C10orf143: variants seen among roughly 807,000 people sequenced by gnomAD.
C10orf143 encodes uncharacterized protein C10orf143.
intron 3 of C10orf143, among the ~76,000 whole-genome samples, chr10:130,073,618 T>C (rs1861068110): frequency 6.9e-6 from 1 of 144,590 alleles, no homozygotes; most frequent in Non-Finnish European, 1.6e-5. Flanking sequence ...ATCAGCTGTG[T>C]GTTTTTTTTT....
At chr10:130,068,411 A>T (rs1177754889) in intron 3 of C10orf143, 1 of 152,224 alleles carries the variant, frequency 6.6e-6, no homozygotes, top group Non-Finnish European at 1.5e-5. Context: ...CAGGAGTTTG[A>T]GACCAGCCTG....
chr10:130,095,620 G>A (rs1286735077), intron 1 of C10orf143, among the ~76,000 whole-genome samples: 1 of 152,088 alleles, frequency 6.6e-6, no homozygotes, highest in East Asian at 1.9e-4. Context: ...CAGAACAGGG[G>A]CCTCAGAAAT....
rs139473238 is a variant in C10orf143, at chr10:130,043,996, GGAGAGAGAGA to G, written c.298-8036_298-8027del. 4.6e-3 allele frequency among the ~76,000 whole-genome samples: 691 copies of G among 149,472 alleles called. 4 individuals carry two copies. Among genetic ancestry groups the G allele is most frequent in the African/African-American group, 0.014 (572 of 40,936 alleles). ...CAGGGGCCTTTGCAGACCATGGCAG[GGAGAGAGAGA>G]GAGAGAGAGAGAAAGAGAGAGAGGG... On this transcript the variant is annotated intron_variant and NMD_transcript_variant, in intron 3 of 5. Coordinates refer to the C10orf143 transcript ENST00000643056.
intron 1 of C10orf143, among the ~76,000 whole-genome samples, chr10:130,086,662 AT>A (rs1470661923): frequency 1.3e-5 from 2 of 152,208 alleles, no homozygotes; most frequent in African/African-American, 4.8e-5. Context: ...AATATTAAGT[AT>A]TCCCCACATA....
At chr10:130,074,785 G>T (rs1358530424) in intron 3 of C10orf143, among the ~76,000 whole-genome samples, 1 of 152,112 alleles carries the variant, frequency 6.6e-6, no homozygotes, top group South Asian at 2.1e-4. Context: ...AAGAAAAAAT[G>T]CATCCATTTA....
intron 3 of C10orf143, among the ~76,000 whole-genome samples, chr10:130,042,322 T>C (rs1002757050): frequency 5.3e-5 from 8 of 152,270 alleles, no homozygotes; most frequent in African/African-American, 1.9e-4. Context: ...AAAGGAAACA[T>C]ATTAGAAGAA....
At chr10:130,102,956 T>C (rs946464595) in intron 1 of C10orf143, among the ~76,000 whole-genome samples, 4 of 151,298 alleles carry the variant, frequency 2.6e-5, no homozygotes, top group Admixed American at 6.7e-5. Context: ...GAGTTTCTTA[T>C]AGATGGACTT....
intron 3 of C10orf143, among the ~76,000 whole-genome samples, chr10:130,069,579 A>G (rs1860997403): frequency 6.6e-6 from 1 of 151,782 alleles, no homozygotes. Flanking sequence ...CTTGCTGGAT[A>G]TTAGTTCTAC....
intron 1 of C10orf143, chr10:130,107,548 T>C (rs756058863): frequency 6.0e-6 from 8 of 1,342,878 alleles, no homozygotes; most frequent in Admixed American, 1.7e-5. Context: ...AAGATCCTTA[T>C]GTACTTGATG....
At chr10:130,035,807 C>T (rs577894374) in intron 4 of C10orf143, 1 of 152,372 alleles carries the variant, frequency 6.6e-6, no homozygotes, top group East Asian at 1.9e-4. Flanking sequence ...TCTGTTCAGG[C>T]TGCTATAACA....
rs1381974846 is a variant in C10orf143 at position 130,065,747 on chromosome 10, A to C, written c.298-1364T>G. On this transcript the variant is annotated intron_variant, in intron 3 of 3. Coordinates refer to ENST00000637128, the MANE Select transcript of C10orf143 (RefSeq NM_001355042.2). This position sits in a 1 kb window ranked among gnomAD's most constrained non-coding sequence, Gnocchi z 4.2. ...AATGGACATCAAGTCTCTAAAAGGC[A>C]GGGGAAAGTATGTAGCATTTCCTGA... 1 of 152,250 alleles carries C rather than the reference A, an allele frequency of 6.6e-6. No homozygotes were observed. Among genetic ancestry groups the C allele is most frequent in the East Asian group, 1.9e-4 (1 of 5,196 alleles). The allele number at this position is 152,250 out of a possible 1,614,324, so 9.4% of individuals were successfully genotyped here.
intron 3 of C10orf143, among the ~76,000 whole-genome samples, chr10:130,040,630 C>T (rs527511716): frequency 7.8e-4 from 118 of 152,214 alleles, no homozygotes; most frequent in Middle Eastern, 3.4e-3. Context: ...GTCAGGATTT[C>T]GAGACCAACC....
rs11017081 is a variant in C10orf143 at position 130,108,279 on chromosome 10, C to T, written c.69+2425G>A. The T allele has an allele frequency of 4.6e-3, 7,176 of 1,571,862 alleles. 353 individuals carry two copies. In the East Asian group the frequency reaches 0.12, roughly 25 times the overall value. On this transcript the variant is annotated intron_variant, in intron 1 of 3. Transcript: ENST00000637128. ...GATTTCCCAGGTCCACCACATGCTC[C>T]GTTTGCAATGAGAAATGTCTATCCA...
intron 3 of C10orf143, among the ~76,000 whole-genome samples, chr10:130,051,384 C>T (rs28431870): frequency 3.7e-5 from 2 of 54,332 alleles, no homozygotes; most frequent in South Asian, 9.6e-4. Context: ...CTCCCTCTCC[C>T]GCCCCCACCT....
chr10:130,086,838 A>G (rs1861298738), intron 1 of C10orf143, among the ~76,000 whole-genome samples: 2 of 152,250 alleles, frequency 1.3e-5, no homozygotes, highest in African/African-American at 4.8e-5. Context: ...GATGAAATTT[A>G]CAACACTTAT....
chr10:130,064,805 A>G (rs2244309), intron 3 of C10orf143: 99,507 of 152,296 alleles, frequency 0.65, 32,740 homozygotes, highest in Admixed American at 0.73. Flanking sequence ...GGCAATCCCC[A>G]CCAGGGCCCC....
chr10:130,090,973 G>A (rs1246786446), intron 1 of C10orf143, among the ~76,000 whole-genome samples: 3 of 152,198 alleles, frequency 2.0e-5, no homozygotes, highest in Admixed American at 2.0e-4. Context: ...CTAGGAGAAG[G>A]GGCAACTGTG....
intron 3 of C10orf143, among the ~76,000 whole-genome samples, chr10:130,071,721 G>A (rs1265417843): frequency 1.3e-5 from 2 of 152,042 alleles, no homozygotes; most frequent in African/African-American, 2.4e-5. Context: ...TCTGCCTCCT[G>A]GATTCAAGAG....
At chr10:130,080,093 A>T (rs1163451445) in intron 1 of C10orf143, among the ~76,000 whole-genome samples, 192 bp from the exon 2 acceptor site, 2 of 152,184 alleles carry the variant, frequency 1.3e-5, no homozygotes, top group Non-Finnish European at 2.9e-5. Context: ...TAACCTCATT[A>T]TTTCTTGCAT....
Sources: gnomAD v4.1 joint callset for allele counts (sites outside exome capture counted in the v4.1 genomes callset) on GRCh38, gnomAD v4.1.1 for gene constraint, Gnocchi (gnomAD v3.1) non-coding constraint, MANE v1.5 for transcripts, NCBI Gene and HGNC (gene_info 2026-07-23, HGNC 2026-07-21) for gene names.